The following ZNF467 variants were observed in gnomAD, a reference collection of about 807,000 sequenced individuals.
The protein encoded by ZNF467 is zinc finger protein EZI.
ZNF467 carries 51 observed loss-of-function variants against 47.8 expected under a neutral mutation model. That is an observed-to-expected ratio of 1.07 (90% confidence interval 0.85 to 1.35). The LOEUF is 1.35. ZNF467 is among the 40% of genes most tolerant of loss of function. The pLI is 0.00. For missense variants in ZNF467, 992 were observed against 858.1 expected (o/e 1.16, Z -1.95); for synonymous variants, 416 against 372.9 (o/e 1.12, Z -1.33).
chr7:149,775,062 C>G (rs1799537423), upstream of ZNF467, among the ~76,000 whole-genome samples: 1 of 152,156 alleles, frequency 6.6e-6, no homozygotes, highest in East Asian at 1.9e-4. Context: ...CCCTGTGGAG[C>G]CTGTCACTGC....
At position 149,764,559 on chromosome 7, in the gene ZNF467, G is replaced by C; in HGVS notation, c.*155C>G. The C allele has an allele frequency of 7.4e-7, 1 of 1,358,538 alleles. No individual in the cohort carries two copies. The highest frequency in any genetic ancestry group is 1.2e-5 in the South Asian group (1 of 80,528). The allele number at this position is 1,358,538 out of a possible 1,614,324, so 84.2% of individuals were successfully genotyped here. On this transcript the variant is annotated 3_prime_UTR_variant, in exon 5 of 5. Coordinates refer to ENST00000302017, the MANE Select transcript of ZNF467 (RefSeq NM_207336.3). ...GTCCTAGGAGGTCCGAGCTGGGTAT[G>C]CTGTGCGGACGCAGACACTGCGGGA...
chr7:149,776,083 G>A (rs762439737), upstream of ZNF467: 3 of 1,365,022 alleles, frequency 2.2e-6, no homozygotes, highest in Non-Finnish European at 2.9e-6. Context: ...CGTGGGCCCT[G>A]GCTGACGGGT....
At chr7:149,774,868 G>GC (rs1190244518), upstream of ZNF467, among the ~76,000 whole-genome samples, 1 of 152,138 alleles carries the variant, frequency 6.6e-6, no homozygotes, top group African/African-American at 2.4e-5. This position sits in a 1 kb window ranked among gnomAD's most constrained non-coding sequence, Gnocchi z 5.7. Flanking sequence ...GAGAAGGAGA[G>GC]CCCGGCCCAG....
In ZNF467 at chr7:149,764,462, A is replaced by G. The variant is rs1171930651; in HGVS notation, c.*252T>C. On this transcript the variant is annotated 3_prime_UTR_variant, in exon 5 of 5. Coordinates refer to ENST00000302017, the MANE Select transcript of ZNF467 (RefSeq NM_207336.3). ...GGGTCCGGGAAATATCTGCTTTCCA[A>G]CGGGGCACCTGGGTGGGAGCCTTCC... The G allele has an allele frequency of 2.9e-6, 2 of 690,942 alleles. No homozygotes were observed. The highest frequency in any genetic ancestry group is 5.1e-6 in the Non-Finnish European group (2 of 393,338). The allele number at this position is 690,942 out of a possible 1,614,324, so 42.8% of individuals were successfully genotyped here.
chr7:149,771,680 C>G (rs1356538774), intron 1 of ZNF467, among the ~76,000 whole-genome samples: 1 of 151,924 alleles, frequency 6.6e-6, no homozygotes, highest in Non-Finnish European at 1.5e-5. Flanking sequence ...CCTGCTGCCC[C>G]TTCCCTGCTC....
chr7:149,764,697 C>T lies in ZNF467; in HGVS notation c.*17G>A. 2 of 1,582,920 alleles carry T rather than the reference C, an allele frequency of 1.3e-6. No homozygotes were observed. The highest frequency in any genetic ancestry group is 2.3e-5 in the South Asian group (2 of 87,774). On this transcript the variant is annotated 3_prime_UTR_variant, in exon 5 of 5. Coordinates refer to ENST00000302017, the MANE Select transcript of ZNF467 (RefSeq NM_207336.3). ...CTCGAAACTGTGGGCAAGAAAGGGTCCTCGTGAGAACTAGGCTCAGAAGAA... is the reference window on the plus strand; with the variant it reads ...CTCGAAACTGTGGGCAAGAAAGGGTTCTCGTGAGAACTAGGCTCAGAAGAA...
intron 1 of ZNF467, among the ~76,000 whole-genome samples, chr7:149,772,839 G>T (rs1464712255): frequency 4.7e-5 from 4 of 85,200 alleles, no homozygotes; most frequent in African/African-American, 1.9e-4. Flanking sequence ...CTTCCCACCT[G>T]CCTCCCGCCC....
chr7:149,770,352 G>T (rs1328795105), intron 3 of ZNF467, 88 bp downstream of exon 3: 54 of 711,100 alleles, frequency 7.6e-5, no homozygotes, highest in Non-Finnish European at 1.2e-4. Context: ...GGGAGGGAGG[G>T]GGGAGGGAAG....
At chr7:149,770,367 G>T in intron 3 of ZNF467, 73 bp downstream of exon 3, 1 of 964,910 alleles carries the variant, frequency 1.0e-6, no homozygotes, top group Non-Finnish European at 1.6e-6. Flanking sequence ...GGGAAGAAGG[G>T]AGAGAGGTAG....
At position 149,766,098 on chromosome 7, in the gene ZNF467, T is replaced by A. The variant is rs747200447; in HGVS notation, c.404A>T (p.Lys135Ile). The A allele has an allele frequency of 5.6e-6, 9 of 1,610,226 alleles. No individual in the cohort carries two copies. Among genetic ancestry groups the A allele is most frequent in the Non-Finnish European group, 5.1e-6 (6 of 1,177,900 alleles). The change falls in exon 5 of 5, where the codon AAA becomes ATA. Residue 135 changes from lysine (K) to isoleucine (I), a missense_variant. Coordinates refer to ENST00000302017, the MANE Select transcript of ZNF467 (RefSeq NM_207336.3). ...TGCCCCCGGGGCCCCTGGCTCCAGT[T>A]TGTACGCGGCAGCCAGATGCCCCAG... is the stretch of plus-strand genomic sequence containing the variant. Reference protein sequence around the residue: ...PDLGHLAAAYKLEPGAPGALS... With the variant: ...PDLGHLAAAYILEPGAPGALS...
Position 149,764,908 on chromosome 7 carries a change from G to A in ZNF467, c.1594C>T (p.Arg532Cys), listed in dbSNP as rs747818670. 3.8e-6 allele frequency: 6 copies of A among 1,567,078 alleles called. No homozygotes were observed. The highest frequency in any genetic ancestry group is 1.1e-5 in the South Asian group (1 of 87,296). ...GAGCCTGTGTGGATCGCCTGGTGGCGGACTAGGTTGGTTTTGGAGCTGAAG... is the reference window on the plus strand; with the variant it reads ...GAGCCTGTGTGGATCGCCTGGTGGCAGACTAGGTTGGTTTTGGAGCTGAAG... Reference protein sequence around the residue: ...RSFSSKTNLVRHQAIHTGSRP... With the variant: ...RSFSSKTNLVCHQAIHTGSRP... Residue 532 changes from arginine to cysteine, a missense_variant, in exon 5 of 5, where the codon CGC (arginine) becomes TGC (cysteine). By Grantham distance (180) the Arg-to-Cys change is radical (BLOSUM62 -3). Coordinates refer to ENST00000302017, the MANE Select transcript of ZNF467 (RefSeq NM_207336.3).
upstream of ZNF467, among the ~76,000 whole-genome samples, chr7:149,775,449 C>A (rs533052217): frequency 6.6e-6 from 1 of 152,332 alleles, no homozygotes; most frequent in Non-Finnish European, 1.5e-5. Flanking sequence ...GGCTGGAAGA[C>A]CCCATCAGTC....
chr7:149,773,988 T>G (rs995885189), upstream of ZNF467, among the ~76,000 whole-genome samples: 11 of 152,164 alleles, frequency 7.2e-5, no homozygotes, highest in African/African-American at 2.4e-4. Context: ...GGGAGAGGAC[T>G]TTAAGCCAGG....
At position 149,765,636 on chromosome 7, in the gene ZNF467, C is replaced by G; in HGVS notation, c.866G>C (p.Arg289Pro). The G allele has an allele frequency of 6.2e-7, 1 of 1,609,098 alleles. No individual in the cohort carries two copies. The highest frequency in any genetic ancestry group is 8.5e-7 in the Non-Finnish European group (1 of 1,178,080). ...KRFRKKTHLI[R>P]HQRIHTGERP... ...CTCGCCCGTATGGATGCGCTGGTGCCGAATCAAGTGCGTCTTCTTGCGAAA... is the reference window on the plus strand; with the variant it reads ...CTCGCCCGTATGGATGCGCTGGTGCGGAATCAAGTGCGTCTTCTTGCGAAA... The change falls in exon 5 of 5, where the codon CGG (arginine) becomes CCG (proline). Residue 289 changes from arginine to proline, a missense_variant. Physicochemically the swap from Arg to Pro is moderately radical, Grantham distance 103. Coordinates refer to ENST00000302017, the MANE Select transcript of ZNF467 (RefSeq NM_207336.3).
upstream of ZNF467, among the ~76,000 whole-genome samples, chr7:149,774,806 G>C (rs920688628): frequency 1.3e-5 from 2 of 152,120 alleles, no homozygotes; most frequent in East Asian, 1.9e-4. This position sits in a 1 kb window ranked among gnomAD's most constrained non-coding sequence, Gnocchi z 5.7. Context: ...GTGACCCCCT[G>C]AGAGACTCAC....
chr7:149,765,379 A>G lies in ZNF467; in HGVS notation c.1123T>C (p.Cys375Arg), dbSNP rs547758892. The G allele has an allele frequency of 5.8e-6, 9 of 1,564,450 alleles. No homozygotes were observed. The highest frequency in any genetic ancestry group is 1.3e-5 in the African/African-American group (1 of 74,110). Residue 375 changes from cysteine (C) to arginine (R), a missense_variant, in exon 5 of 5, where the codon TGT becomes CGT. Physicochemically the swap from Cys to Arg is radical, Grantham distance 180. Coordinates refer to ENST00000302017, the MANE Select transcript of ZNF467 (RefSeq NM_207336.3). ...GWKKNLATHQ[C>R]LHRSEGRPFG... ...GGGCGACCCTCGCTGCGGTGCAGAC[A>G]CTGGTGCGTGGCGAGGTTCTTTTTC... is the stretch of plus-strand genomic sequence containing the variant.
chr7:149,774,192 GCAGCCCT>G (rs762839782), upstream of ZNF467, among the ~76,000 whole-genome samples: 37 of 152,166 alleles, frequency 2.4e-4, no homozygotes, highest in African/African-American at 3.4e-4. The surrounding 1 kb of genome is among the most constrained non-coding windows in gnomAD (Gnocchi z 5.7). Context: ...GATGTGGAGG[GCAGCCCT>G]CAGCCCTCAG....
At chr7:149,775,768 T>G (rs1799557721), upstream of ZNF467, among the ~76,000 whole-genome samples, 1 of 148,880 alleles carries the variant, frequency 6.7e-6, no homozygotes, top group African/African-American at 2.5e-5. Flanking sequence ...GGGAAACAGA[T>G]GCACTGGAAG....
In ZNF467 at chr7:149,769,030, T is replaced by C; in HGVS notation, c.262+60A>G. On this transcript the variant is annotated intron_variant, in intron 4 of 4. Coordinates refer to ENST00000302017, the MANE Select transcript of ZNF467 (RefSeq NM_207336.3). This position sits in a 1 kb window ranked among gnomAD's most constrained non-coding sequence, Gnocchi z 5.3. Reference sequence around the variant, plus strand: ...CTCATGAGATAGCAGCTCCGGAGCTTGCTGGGCCCCGTTCCCTTGGCCTGA... The same window carrying C: ...CTCATGAGATAGCAGCTCCGGAGCTCGCTGGGCCCCGTTCCCTTGGCCTGA... 7.1e-7 allele frequency: 1 copy of C among 1,417,290 alleles called. No homozygotes were observed. Among genetic ancestry groups the C allele is most frequent in the East Asian group, 2.5e-5 (1 of 39,538 alleles). The allele number at this position is 1,417,290 out of a possible 1,614,324, so 87.8% of individuals were successfully genotyped here.
Sources: gnomAD v4.1 joint callset for allele counts (sites outside exome capture counted in the v4.1 genomes callset) on GRCh38, gnomAD v4.1.1 for gene constraint, Gnocchi (gnomAD v3.1) non-coding constraint, MANE v1.5 for transcripts, NCBI Gene and HGNC (gene_info 2026-07-23, HGNC 2026-07-21) for gene names.